CCDC40: variants seen among roughly 807,000 people sequenced by gnomAD.
The protein encoded by CCDC40 is coiled-coil domain-containing protein 40.
Under a neutral mutation model 124.5 loss-of-function variants are expected in CCDC40, and 104 were observed. The observed-to-expected ratio is 0.84, with a 90% CI of 0.71 to 0.98. The LOEUF is 0.98. Among genes scored for constraint, CCDC40 ranks in the 50% least tolerant of loss-of-function variants. The pLI is 0.00. For missense variants in CCDC40, 1,463 were observed against 1,503.9 expected, an observed-to-expected ratio of 0.97 and a Z score of 0.45; for synonymous variants, 580 against 602.9, an observed-to-expected ratio of 0.96 and a Z score of 0.56.
chr17:80,044,003 T>C (rs1242697869), intron 3 of CCDC40, among the ~76,000 whole-genome samples: 1 of 152,106 alleles, frequency 6.6e-6, no homozygotes, highest in Non-Finnish European at 1.5e-5. Context: ...GATGGGAGTA[T>C]GGAAGGGAGG....
intron 10 of CCDC40, among the ~76,000 whole-genome samples, chr17:80,074,446 C>T (rs577663498): frequency 2.3e-4 from 35 of 152,302 alleles, no homozygotes; most frequent in Middle Eastern, 3.4e-3. Flanking sequence ...GATCGCGCCA[C>T]TGCACTCCAG....
In CCDC40 at chr17:80,056,016, A is replaced by ATTTTTTTTTTTT. The variant is rs1193599741; in HGVS notation, c.1160-2474_1160-2463dup. Among the ~76,000 whole-genome samples the ATTTTTTTTTTTT allele has an allele frequency of 2.6e-3, 27 of 10,240 alleles. 2 individuals are homozygous for ATTTTTTTTTTTT. The highest frequency in any genetic ancestry group is 4.2e-3 in the Non-Finnish European group (26 of 6,222). The allele number at this position is 10,240 out of a possible 152,430, so 6.7% of individuals were successfully genotyped here. A position where few individuals can be genotyped will look rare whatever the true frequency, so the allele number is the denominator to read the frequency against. ...TATATATATATATATATATATATAT[A>ATTTTTTTTTTTT]TTTTTTTTTTTTTTTGGTAGAAACA... On this transcript the variant is annotated intron_variant, in intron 7 of 19. Transcript: ENST00000397545.
intron 17 of CCDC40, among the ~76,000 whole-genome samples, chr17:80,093,612 C>G (rs1001465011): frequency 7.3e-5 from 11 of 151,542 alleles, no homozygotes; most frequent in Non-Finnish European, 1.0e-4. Context: ...TCCCGGGGTT[C>G]AAGTGATTCT....
At chr17:80,083,471 C>T (rs1022227237) in intron 12 of CCDC40, among the ~76,000 whole-genome samples, 2 of 152,066 alleles carry the variant, frequency 1.3e-5, no homozygotes, top group East Asian at 1.9e-4. Flanking sequence ...CTGGGGTAGG[C>T]AGGAGCCACA....
chr17:80,073,516 A>C (rs2143710811), intron 10 of CCDC40, among the ~76,000 whole-genome samples: 1 of 152,294 alleles, frequency 6.6e-6, no homozygotes, highest in African/African-American at 2.4e-5. Context: ...GCCCTTGTTT[A>C]AGACAGCAAA....
chr17:80,065,270 C>T (rs2038012921), intron 9 of CCDC40, among the ~76,000 whole-genome samples: 1 of 143,286 alleles, frequency 7.0e-6, no homozygotes, highest in Non-Finnish European at 1.5e-5. Flanking sequence ...GCACTGAGCA[C>T]CGCAGGCCCT....
intron 9 of CCDC40, 125 bp from the exon 10 acceptor site, chr17:80,065,360 C>T: frequency 7.6e-7 from 1 of 1,317,000 alleles, no homozygotes; most frequent in Non-Finnish European, 1.1e-6. Context: ...GATGCATGAT[C>T]AAGGAAAGTA....
chr17:80,064,970 C>T (rs1418267489), intron 9 of CCDC40, among the ~76,000 whole-genome samples: 1 of 152,030 alleles, frequency 6.6e-6, no homozygotes, highest in South Asian at 2.1e-4. Flanking sequence ...ACCAACCCTG[C>T]AGAGGTGTTT....
At chr17:80,052,247 G>A (rs150265050) in intron 7 of CCDC40, among the ~76,000 whole-genome samples, 6 of 152,316 alleles carry the variant, frequency 3.9e-5, no homozygotes, top group East Asian at 1.9e-4. Flanking sequence ...ACAATAGGCC[G>A]TCTGCAGGCT....
In CCDC40 at chr17:80,047,510, T is replaced by C. The variant is rs114632360; in HGVS notation, c.676+108T>C. 3.2e-3 allele frequency: 3,923 copies of C among 1,210,262 alleles called. 99 individuals carry two copies. In the African/African-American group the frequency reaches 0.054, roughly 17 times the overall value. 75.0% of individuals were successfully genotyped at this position (1,210,262 alleles called of 1,614,324 possible). A position where few individuals can be genotyped will look rare whatever the true frequency, so the allele number is the denominator to read the frequency against. On this transcript the variant is annotated intron_variant, in intron 4 of 19. Coordinates refer to ENST00000397545, the MANE Select transcript of CCDC40 (RefSeq NM_017950.4). ...TGTCATCCGTTACCTGTTTCCTGAG[T>C]GGCTGTGAGCTGAAAGAGAAAAATC...
At chr17:80,093,016 C>G (rs1306165641) in intron 17 of CCDC40, among the ~76,000 whole-genome samples, 2 of 152,182 alleles carry the variant, frequency 1.3e-5, no homozygotes, top group Non-Finnish European at 1.5e-5. Flanking sequence ...CCTGAAAAGA[C>G]TGCCCTTCCT....
In CCDC40 at chr17:80,086,547, G is replaced by T; in HGVS notation, c.2449+331G>T. ...AGGTGGAAACACTGGCACGGGAAAA[G>T]CCAGGGTCCTGCCAGGCAGGCTCCT... On this transcript the variant is annotated intron_variant, in intron 14 of 19. Coordinates refer to ENST00000397545, the MANE Select transcript of CCDC40 (RefSeq NM_017950.4). This position sits in a 1 kb window ranked among gnomAD's most constrained non-coding sequence, Gnocchi z 5.5. 5.8e-6 allele frequency: 2 copies of T among 347,160 alleles called. No homozygotes were observed. The highest frequency in any genetic ancestry group is 1.1e-5 in the Non-Finnish European group (2 of 180,482). 21.5% of individuals were successfully genotyped at this position (347,160 alleles called of 1,614,324 possible). A position where few individuals can be genotyped will look rare whatever the true frequency, so the allele number is the denominator to read the frequency against.
Position 80,084,916 on chromosome 17 carries a change from C to G in CCDC40, c.2163C>G (p.Ile721Met). Reference protein sequence around the residue: ...NSQSEISRRTILIERKQGLIN... With the variant: ...NSQSEISRRTMLIERKQGLIN... ...AGAGCGAGATCTCCCGGCGCACGAT[C>G]CTGATCGAGAGGAAGCAAGGGCTCA... The change falls in exon 13 of 20, where the codon ATC (isoleucine) becomes ATG (methionine). Residue 721 changes from isoleucine to methionine, a missense_variant. Ile to Met is a conservative substitution (Grantham distance 10). Transcript: ENST00000397545. 3 of 1,614,114 alleles carry G rather than the reference C, an allele frequency of 1.9e-6. No homozygotes were observed. Among genetic ancestry groups the G allele is most frequent in the Non-Finnish European group, 2.5e-6 (3 of 1,180,030 alleles).
chr17:80,042,248 A>G (rs909928436), intron 3 of CCDC40, among the ~76,000 whole-genome samples: 2 of 152,108 alleles, frequency 1.3e-5, no homozygotes, highest in African/African-American at 4.8e-5. Flanking sequence ...CCTCCCAAGT[A>G]GCTGGGACTA....
chr17:80,081,722 A>G lies in CCDC40; in HGVS notation c.1739A>G (p.Gln580Arg), dbSNP rs200815406. ...TQCLTKQVAL[Q>R]SQFNTYRLTL... Reference sequence around the variant, plus strand: ...TGCCTGACCAAGCAGGTGGCCCTGCAGAGCCAGTTCAATACCTACAGGCTC... The same window carrying G: ...TGCCTGACCAAGCAGGTGGCCCTGCGGAGCCAGTTCAATACCTACAGGCTC... Residue 580 changes from glutamine to arginine, a missense_variant, in exon 11 of 20, where the codon CAG becomes CGG. Transcript: ENST00000397545. 3.3e-4 allele frequency: 534 copies of G among 1,614,150 alleles called. 2 individuals carry two copies. In the African/African-American group the frequency reaches 6.6e-3, roughly 20 times the overall value.
Position 80,073,237 on chromosome 17 carries a change from T to C in CCDC40, c.1562+7631T>C, listed in dbSNP as rs529317011. ...CCAGGATGATCTCGATCTCCTGACCTCATGATCCACCCGCCTCAGCCTCCC... is the reference window on the plus strand; with the variant it reads ...CCAGGATGATCTCGATCTCCTGACCCCATGATCCACCCGCCTCAGCCTCCC... On this transcript the variant is annotated intron_variant, in intron 10 of 19. Transcript: ENST00000397545. Among the ~76,000 whole-genome samples the C allele has an allele frequency of 2.0e-5, 3 of 152,260 alleles. No individual in the cohort carries two copies. In the South Asian group the frequency reaches 6.2e-4, roughly 32 times the overall value.
intron 10 of CCDC40, among the ~76,000 whole-genome samples, chr17:80,069,211 T>A (rs189216351): frequency 6.6e-6 from 1 of 152,152 alleles, no homozygotes; most frequent in African/African-American, 2.4e-5. Flanking sequence ...ACCTAATGCT[T>A]TGAAGACAGA....
chr17:80,072,285 T>C (rs2038211880), intron 10 of CCDC40, among the ~76,000 whole-genome samples: 1 of 152,116 alleles, frequency 6.6e-6, no homozygotes, highest in African/African-American at 2.4e-5. Context: ...TAATAATCCT[T>C]ATCAAGGATA....
chr17:80,069,419 G>GT (rs1272609018), intron 10 of CCDC40, among the ~76,000 whole-genome samples: 1 of 152,218 alleles, frequency 6.6e-6, no homozygotes, highest in Non-Finnish European at 1.5e-5. Context: ...AACATGAAAC[G>GT]TGTTATTCTG....
Sources: allele counts gnomAD v4.1 joint callset (sites outside exome capture counted in the v4.1 genomes callset), GRCh38; gene constraint gnomAD v4.1.1; non-coding constraint Gnocchi (gnomAD v3.1); transcripts MANE v1.5; gene names NCBI Gene and HGNC (gene_info 2026-07-23, HGNC 2026-07-21).